MAOB: variants seen among roughly 807,000 people sequenced by gnomAD.
MAOB encodes monoamine oxidase B, also known as amine oxidase [flavin-containing] B.
A neutral mutation model predicts 41.9 loss-of-function variants in MAOB; 15 were observed. The ratio of observed to expected loss-of-function variants is 0.36; its 90% CI spans 0.24 to 0.55. The LOEUF (loss-of-function observed/expected upper bound fraction) is 0.55. MAOB is among the 20% of genes least tolerant of loss of function. MAOB has a pLI of 0.86. For synonymous variants in MAOB, 167 were observed against 144.2 expected, an observed-to-expected ratio of 1.16 and a Z score of -1.13; for missense variants, 345 against 398.7, an observed-to-expected ratio of 0.87 and a Z score of 1.15.
At chrX:43,853,438 G>A (rs1247124244) in intron 1 of MAOB, among the ~76,000 whole-genome samples, 2 of 110,679 alleles carry the variant, frequency 1.8e-5, no homozygotes, top group African/African-American at 6.6e-5. Flanking sequence ...AGGAGGAAGG[G>A]AAAGTGTGCT....
intron 3 of MAOB, among the ~76,000 whole-genome samples, chrX:43,810,229 C>A (rs770125335): frequency 3.3e-5 from 2 of 61,388 alleles, no homozygotes; most frequent in Admixed American, 5.5e-4. Context: ...GGCGACAGAG[C>A]GAGACTCTGT....
At chrX:43,833,881 A>C (rs186878314) in intron 3 of MAOB, among the ~76,000 whole-genome samples, 1 of 112,044 alleles carries the variant, frequency 8.9e-6, no homozygotes, top group Non-Finnish European at 1.9e-5. Context: ...CAAAGGCATA[A>C]TTTTCAGCAA....
At chrX:43,870,789 C>A (rs2035399548) in intron 1 of MAOB, among the ~76,000 whole-genome samples, 1 of 66,291 alleles carries the variant, frequency 1.5e-5, no homozygotes, top group Non-Finnish European at 2.6e-5. Context: ...AGTGAGACTC[C>A]ACCTCAAAAA....
chrX:43,815,230 C>T (rs764461950), intron 3 of MAOB, among the ~76,000 whole-genome samples: 3 of 111,990 alleles, frequency 2.7e-5, no homozygotes, highest in Non-Finnish European at 3.8e-5. Flanking sequence ...TGCCAACTTT[C>T]TCACTCTTTC....
At chrX:43,874,039 CG>C (rs1569233938) in intron 1 of MAOB, among the ~76,000 whole-genome samples, 1 of 111,874 alleles carries the variant, frequency 8.9e-6, no homozygotes, top group African/African-American at 3.3e-5. Flanking sequence ...CAGAGATACA[CG>C]TTTTATCATT....
At chrX:43,840,698 C>T (rs1244651175) in intron 2 of MAOB, among the ~76,000 whole-genome samples, 1 of 110,282 alleles carries the variant, frequency 9.1e-6, no homozygotes, top group African/African-American at 3.3e-5. Flanking sequence ...TTAGGGAACT[C>T]CCTTCCCTAG....
At chrX:43,813,598 G>GTTTGT (rs1246737201) in intron 3 of MAOB, among the ~76,000 whole-genome samples, 1 of 112,300 alleles carries the variant, frequency 8.9e-6, no homozygotes, top group African/African-American at 3.2e-5. Flanking sequence ...AAACTAGTTA[G>GTTTGT]AAGCTAATGA....
intron 1 of MAOB, among the ~76,000 whole-genome samples, chrX:43,849,300 G>C (rs1338800164): frequency 8.9e-6 from 1 of 112,226 alleles, no homozygotes; most frequent in Non-Finnish European, 1.9e-5. Context: ...CACACAGCTA[G>C]CAAGTAGCAG....
rs397957481 is a variant in MAOB, at chrX:43,853,267, CAAAAAAA to C, written c.47-9510_47-9504del. On this transcript the variant is annotated intron_variant, in intron 1 of 14. Coordinates refer to ENST00000378069, the MANE Select transcript of MAOB (RefSeq NM_000898.5). ...TGGGCGACAGAGCGAGAGTCCGTCT[CAAAAAAA>C]AAAAAAAAAAAAAAAGAAAAGAAAA... 2.3e-4 allele frequency among the ~76,000 whole-genome samples: 6 copies of C among 26,458 alleles called. No homozygotes were observed. In the East Asian group the frequency reaches 3.7e-3, roughly 16 times the overall value. 23.0% of individuals were successfully genotyped at this position (26,458 alleles called of 115,157 possible). A position where few individuals can be genotyped will look rare whatever the true frequency, so the allele number is the denominator to read the frequency against.
intron 3 of MAOB, among the ~76,000 whole-genome samples, chrX:43,829,101 G>A (rs923211366): frequency 8.9e-6 from 1 of 111,797 alleles, no homozygotes; most frequent in Admixed American, 9.5e-5. Flanking sequence ...TGTAGCAACT[G>A]CCCTTAACAT....
intron 14 of MAOB, 87 bp from the exon 15 acceptor site, chrX:43,767,705 A>G: frequency 1.1e-6 from 1 of 920,161 alleles, no homozygotes; most frequent in African/African-American, 1.9e-5. Context: ...TCTGAACATG[A>G]CCCATTCTTG....
chrX:43,873,440 T>C lies in MAOB; in HGVS notation c.46+8814A>G, dbSNP rs202039710. Among the ~76,000 whole-genome samples the C allele has an allele frequency of 3.6e-5, 4 of 110,404 alleles. No homozygotes were observed. In the East Asian group the frequency reaches 8.5e-4, roughly 23 times the overall value. On this transcript the variant is annotated intron_variant, in intron 1 of 14. Coordinates refer to ENST00000378069, the MANE Select transcript of MAOB (RefSeq NM_000898.5). ...CATTGTGTAATTCTGATAAATGTTATTGAGGAGGAGAGTAGAATTAAAAAT... is the reference window on the plus strand; with the variant it reads ...CATTGTGTAATTCTGATAAATGTTACTGAGGAGGAGAGTAGAATTAAAAAT...
intron 8 of MAOB, among the ~76,000 whole-genome samples, chrX:43,784,984 C>T (rs1174198478): frequency 1.8e-5 from 2 of 112,013 alleles, no homozygotes; most frequent in African/African-American, 6.5e-5. Context: ...CCCGTCTCTA[C>T]TAAAAATACA....
At chrX:43,874,449 A>C (rs2035427813) in intron 1 of MAOB, among the ~76,000 whole-genome samples, 1 of 111,284 alleles carries the variant, frequency 9.0e-6, no homozygotes, top group African/African-American at 3.3e-5. Flanking sequence ...CTGAATTTCT[A>C]TCCATGTTTT....
chrX:43,865,687 C>T (rs2035360425), intron 1 of MAOB, among the ~76,000 whole-genome samples: 1 of 110,727 alleles, frequency 9.0e-6, no homozygotes, highest in South Asian at 3.8e-4. Context: ...AATGTTGTAG[C>T]AGGTATTGTC....
chrX:43,806,959 C>T (rs770285361), intron 3 of MAOB, among the ~76,000 whole-genome samples: 1 of 111,381 alleles, frequency 9.0e-6, no homozygotes, highest in Non-Finnish European at 1.9e-5. Context: ...CTAGAAGATT[C>T]TCCAGACTCA....
intron 7 of MAOB, among the ~76,000 whole-genome samples, chrX:43,794,043 A>C (rs1358744404): frequency 9.0e-6 from 1 of 111,237 alleles, no homozygotes; most frequent in Non-Finnish European, 1.9e-5. Flanking sequence ...CACCCAGCTA[A>C]TTTTTGTATT....
chrX:43,846,332 A>G (rs1254825210), intron 1 of MAOB, among the ~76,000 whole-genome samples: 2 of 112,582 alleles, frequency 1.8e-5, no homozygotes, highest in Non-Finnish European at 3.7e-5. Context: ...ATAATATCTG[A>G]TGTTAAATAT....
chrX:43,848,904 TA>T (rs2035230366), intron 1 of MAOB, among the ~76,000 whole-genome samples: 1 of 112,134 alleles, frequency 8.9e-6, no homozygotes, highest in Admixed American at 9.5e-5. Context: ...GAGAAAATTC[TA>T]AAAACTACCA....
Sources: allele counts gnomAD v4.1 joint callset (sites outside exome capture counted in the v4.1 genomes callset), GRCh38; gene constraint gnomAD v4.1.1; transcripts MANE v1.5; gene names NCBI Gene and HGNC (gene_info 2026-07-23, HGNC 2026-07-21).